CAGE1: variants seen among roughly 807,000 people sequenced by gnomAD.
CAGE1 encodes cancer-associated gene 1 protein.
CAGE1 carries 66 observed loss-of-function variants against 94.9 expected under a neutral mutation model. That is an observed-to-expected ratio of 0.70 (90% CI 0.57 to 0.85). The LOEUF is 0.85. Ranked by LOEUF, CAGE1 falls within the 40% of genes least tolerant of loss-of-function variation. The pLI is 0.00. For synonymous variants in CAGE1, 319 were observed against 321.0 expected, an observed-to-expected ratio of 0.99 and a Z score of 0.07; for missense variants, 865 against 950.4, an observed-to-expected ratio of 0.91 and a Z score of 1.18.
At chr6:7,341,955 C>T in intron 11 of CAGE1, 1 of 730,242 alleles carries the variant, frequency 1.4e-6, no homozygotes, top group East Asian at 2.8e-5. Context: ...ATCTTTCAGT[C>T]ATCAGATCTA....
chr6:7,366,029 T>C (rs544981147), intron 7 of CAGE1, 145 bp from the exon 8 acceptor site: 3 of 542,292 alleles, frequency 5.5e-6, no homozygotes, highest in Non-Finnish European at 9.7e-6. Flanking sequence ...GTGGATCACC[T>C]CAGGTCAGGA....
intron 11 of CAGE1, among the ~76,000 whole-genome samples, chr6:7,350,587 G>A (rs572387126): frequency 4.6e-5 from 7 of 152,144 alleles, no homozygotes; most frequent in South Asian, 2.1e-4. Flanking sequence ...GAATAAAACC[G>A]GAAATCAACT....
In CAGE1 at chr6:7,356,018, T is replaced by A. The variant is rs189259029; in HGVS notation, c.2298+7A>T. On this transcript the variant is annotated splice_region_variant and intron_variant, in intron 10 of 13. Coordinates refer to ENST00000502583, the MANE Select transcript of CAGE1 (RefSeq NM_001170692.2). ...TCTCAAAATACAAAAGAAAAAAAAA[T>A]GTCTACCTTCTTTATTAAGTTGCCT... The A allele has an allele frequency of 1.7e-5, 25 of 1,465,342 alleles. No individual in the cohort carries two copies. Among genetic ancestry groups the A allele is most frequent in the Non-Finnish European group, 2.2e-5 (24 of 1,070,056 alleles). The allele number at this position is 1,465,342 out of a possible 1,614,324, so 90.8% of individuals were successfully genotyped here.
chr6:7,352,290 C>CAAAAAAAAA (rs77426667), intron 11 of CAGE1, among the ~76,000 whole-genome samples: 9 of 43,594 alleles, frequency 2.1e-4, no homozygotes, highest in African/African-American at 3.0e-4. Flanking sequence ...ACAATAGCTG[C>CAAAAAAAAA]AAAAAAAAAA....
In CAGE1 at chr6:7,364,350, CTT is replaced by C. The variant is rs950000608; in HGVS notation, c.2193+1116_2193+1117del. On this transcript the variant is annotated intron_variant, in intron 9 of 13. Transcript: ENST00000502583. ...TTCTGATAAACAGTTATTTATGTATCTTATCTTCTTTTCTAGATTCCTTAGTA... is the reference window on the plus strand; with the variant it reads ...TTCTGATAAACAGTTATTTATGTATCATCTTCTTTTCTAGATTCCTTAGTA... Among the ~76,000 whole-genome samples, 3 of 152,084 alleles carry C rather than the reference CTT, an allele frequency of 2.0e-5. 1 individual carries two copies. Among genetic ancestry groups the C allele is most frequent in the African/African-American group, 7.2e-5 (3 of 41,404 alleles).
chr6:7,387,863 CA>C (rs70978962), intron 1 of CAGE1, among the ~76,000 whole-genome samples: 13,144 of 108,770 alleles, frequency 0.12, 660 homozygotes, highest in Middle Eastern at 0.23. Context: ...ACTAAAAATA[CA>C]AAAAAAAAAA....
intron 11 of CAGE1, chr6:7,341,557 T>C (rs1759176248): frequency 2.5e-6 from 3 of 1,202,718 alleles, no homozygotes; most frequent in Admixed American, 1.7e-5. Context: ...TCGGACCTTT[T>C]TCCTCTCAGG....
At chr6:7,352,877 C>A (rs1759834513) in intron 11 of CAGE1, among the ~76,000 whole-genome samples, 1 of 152,186 alleles carries the variant, frequency 6.6e-6, no homozygotes, top group African/African-American at 2.4e-5. Context: ...CATCTCTCGC[C>A]TTTTACCAAA....
intron 9 of CAGE1, among the ~76,000 whole-genome samples, chr6:7,361,957 C>G (rs1760179129): frequency 6.6e-6 from 1 of 152,226 alleles, no homozygotes; most frequent in Non-Finnish European, 1.5e-5. Context: ...AAAGTATACT[C>G]AAGGTAACAC....
At chr6:7,334,206 G>A in intron 11 of CAGE1, 116 bp from the exon 12 acceptor site, 1 of 593,122 alleles carries the variant, frequency 1.7e-6, no homozygotes, top group Non-Finnish European at 2.9e-6. Flanking sequence ...TTATCTATAT[G>A]CTATCCAACC....
intron 11 of CAGE1, among the ~76,000 whole-genome samples, chr6:7,345,929 AAAG>A (rs773286799): frequency 2.8e-5 from 4 of 143,306 alleles, no homozygotes; most frequent in African/African-American, 9.8e-5. Flanking sequence ...CATCTCAAAA[AAAG>A]AAAAATTACA....
In CAGE1 at chr6:7,366,375, G is replaced by C. The variant is rs1047541805; in HGVS notation, c.2005-491C>G. Among the ~76,000 whole-genome samples the C allele has an allele frequency of 2.0e-5, 3 of 152,278 alleles. No homozygotes were observed. The East Asian group carries it at 5.8e-4, about 29-fold the overall frequency. The stretch of plus-strand genomic sequence containing the variant: ...GGTCCAAGACTGCTAGGCTTAGAGA[G>C]GCCTGCTGGCAAGGCTGCCCCATGA... On this transcript the variant is annotated intron_variant, in intron 7 of 13. Coordinates refer to ENST00000502583, the MANE Select transcript of CAGE1 (RefSeq NM_001170692.2).
chr6:7,346,408 G>A (rs148460179), intron 11 of CAGE1, among the ~76,000 whole-genome samples: 3 of 151,794 alleles, frequency 2.0e-5, no homozygotes, highest in Non-Finnish European at 2.9e-5. Context: ...TAAAAGTCAC[G>A]CATGGTGGTG....
chr6:7,358,027 G>GAGATATATAT (rs1314868882), intron 9 of CAGE1, among the ~76,000 whole-genome samples: 5 of 48,082 alleles, frequency 1.0e-4, no homozygotes, highest in South Asian at 1.1e-3. Flanking sequence ...TAAGTTTTGA[G>GAGATATATAT]ATATATATAT....
intron 9 of CAGE1, among the ~76,000 whole-genome samples, chr6:7,360,997 AG>A (rs1760146121): frequency 6.6e-6 from 1 of 152,156 alleles, no homozygotes. Context: ...ACATTAAGCC[AG>A]AATATATAGA....
Position 7,378,954 on chromosome 6 carries a change from G to GA in CAGE1, c.349dup (p.Ser117PhefsTer6), listed in dbSNP as rs1760847286. On this transcript the variant is annotated frameshift_variant, in exon 4 of 14. Transcript: ENST00000502583. LOFTEE classifies it high-confidence loss of function. The stretch of plus-strand genomic sequence containing the variant: ...GCAAACGGTTTCAAATTGTCTCAAG[G>GA]AAGATATGCTGATGGTGTCAACTGG... The GA allele has an allele frequency of 1.9e-6, 3 of 1,581,180 alleles. No individual in the cohort carries two copies. Among genetic ancestry groups the GA allele is most frequent in the Non-Finnish European group, 2.6e-6 (3 of 1,161,998 alleles).
At chr6:7,335,162 TC>T (rs891183700) in intron 11 of CAGE1, among the ~76,000 whole-genome samples, 3 of 151,946 alleles carry the variant, frequency 2.0e-5, no homozygotes, top group African/African-American at 7.3e-5. Context: ...TCTCTCTGCC[TC>T]CCCCCTCTTA....
chr6:7,339,227 A>G lies in CAGE1; in HGVS notation c.2370-5137T>C. 1 of 1,576,382 alleles carries G rather than the reference A, an allele frequency of 6.3e-7. No individual in the cohort carries two copies. Among genetic ancestry groups the G allele is most frequent in the East Asian group, 2.2e-5 (1 of 44,698 alleles). On this transcript the variant is annotated intron_variant, in intron 11 of 13. Transcript: ENST00000502583. This position sits in a 1 kb window ranked among gnomAD's most constrained non-coding sequence, Gnocchi z 4.7. Reference sequence around the variant, plus strand: ...ACACACCATAGCAGGCCCTCCGCACAGCAAGCCCTCCTAGGAGTTTGTAAG... The same window carrying G: ...ACACACCATAGCAGGCCCTCCGCACGGCAAGCCCTCCTAGGAGTTTGTAAG...
At chr6:7,376,039 G>A (rs896218106) in intron 4 of CAGE1, among the ~76,000 whole-genome samples, 2 of 152,234 alleles carry the variant, frequency 1.3e-5, no homozygotes, top group Admixed American at 1.3e-4. Context: ...GAATAAAAAT[G>A]ACTAAATGTT....
Sources: allele counts gnomAD v4.1 joint callset (sites outside exome capture counted in the v4.1 genomes callset), GRCh38; gene constraint gnomAD v4.1.1; non-coding constraint Gnocchi (gnomAD v3.1); transcripts MANE v1.5; gene names NCBI Gene and HGNC (gene_info 2026-07-23, HGNC 2026-07-21).